RELL1: variants seen among roughly 807,000 people sequenced by gnomAD.
The protein encoded by RELL1 is RELT-like protein 1.
A neutral mutation model predicts 23.0 loss-of-function variants in RELL1; 10 were observed. That is an observed-to-expected ratio of 0.43 (90% CI 0.27 to 0.74). RELL1 has a LOEUF of 0.74. Ranked by LOEUF, RELL1 falls within the 30% of genes least tolerant of loss-of-function variation. The pLI is 0.19. For missense variants in RELL1, 315 were observed against 364.4 expected, an observed-to-expected ratio of 0.86 and a Z score of 1.10; for synonymous variants, 146 against 146.8, an observed-to-expected ratio of 0.99 and a Z score of 0.04.
intron 1 of RELL1, among the ~76,000 whole-genome samples, chr4:37,657,997 T>G (rs1721187536): frequency 6.6e-6 from 1 of 152,014 alleles, no homozygotes; most frequent in South Asian, 2.1e-4. Context: ...CAGTCCCAAC[T>G]ACTGGGGAAG....
rs1200145695 is a variant in RELL1, at chr4:37,612,328, A to AC, written c.*1017_*1018insG. Among the ~76,000 whole-genome samples, 1 of 39,450 alleles carries AC rather than the reference A, an allele frequency of 2.5e-5. No homozygotes were observed. The highest frequency in any genetic ancestry group is 2.9e-4 in the East Asian group (1 of 3,468). The allele number at this position is 39,450 out of a possible 152,430, so 25.9% of individuals were successfully genotyped here. A position where few individuals can be genotyped will look rare whatever the true frequency, so the allele number is the denominator to read the frequency against. ...GAATCGCTCAGCTAAAGGTTAAAAA[A>AC]AAAAAAAAAACAAAAAAAAACAAAA... On this transcript the variant is annotated 3_prime_UTR_variant, in exon 7 of 7. Coordinates refer to ENST00000454158, the MANE Select transcript of RELL1 (RefSeq NM_001085400.2).
chr4:37,591,508 A>G (rs1410283061), intron 6 of RELL1: 3 of 152,846 alleles, frequency 2.0e-5, no homozygotes, highest in Non-Finnish European at 4.4e-5. Flanking sequence ...AACTTCAGGG[A>G]CAATCACCCA....
intron 1 of RELL1, among the ~76,000 whole-genome samples, chr4:37,682,998 T>C (rs1271197657): frequency 1.3e-5 from 2 of 152,176 alleles, no homozygotes; most frequent in African/African-American, 4.8e-5. Context: ...TGGGTGCTTG[T>C]GGTATATAGT....
At chr4:37,605,750 GAAAA>G (rs1375809355), downstream of RELL1, among the ~76,000 whole-genome samples, 1 of 99,792 alleles carries the variant, frequency 1.0e-5, no homozygotes, top group Non-Finnish European at 1.9e-5. Flanking sequence ...AAGAAAGAAA[GAAAA>G]AGAATAAAGA....
intron 1 of RELL1, 31 bp downstream of exon 1, chr4:37,686,169 C>G: frequency 6.5e-7 from 1 of 1,546,328 alleles, no homozygotes; most frequent in African/African-American, 1.4e-5. Context: ...GGGCTCAGCA[C>G]CCGGCGCCCC....
At chr4:37,642,944 A>G (rs1460692976) in intron 3 of RELL1, among the ~76,000 whole-genome samples, 2 of 152,204 alleles carry the variant, frequency 1.3e-5, no homozygotes, top group African/African-American at 2.4e-5. Context: ...AATACTATGC[A>G]TCTCTTCTAT....
intron 1 of RELL1, among the ~76,000 whole-genome samples, chr4:37,655,310 T>C (rs1329290981): frequency 6.6e-6 from 1 of 152,150 alleles, no homozygotes; most frequent in African/African-American, 2.4e-5. Context: ...CACCCCCTCC[T>C]AAATTTATAT....
At chr4:37,659,264 T>C (rs1721234402) in intron 1 of RELL1, among the ~76,000 whole-genome samples, 2 of 152,198 alleles carry the variant, frequency 1.3e-5, no homozygotes, top group African/African-American at 4.8e-5. Context: ...ACTAGGTATG[T>C]GTGTTTTGCC....
intron 6 of RELL1, among the ~76,000 whole-genome samples, chr4:37,627,529 A>C (rs1719992285): frequency 6.6e-6 from 1 of 152,240 alleles, no homozygotes; most frequent in Non-Finnish European, 1.5e-5. Flanking sequence ...ACAAGAACTC[A>C]GACCAACAAA....
chr4:37,604,890 C>CACACACAG (rs1719139406), intron 6 of RELL1, among the ~76,000 whole-genome samples: 1 of 44,268 alleles, frequency 2.3e-5, no homozygotes, highest in Non-Finnish European at 4.4e-5. Context: ...TACACACAGA[C>CACACACAG]ACACACACAG....
At chr4:37,592,926 T>A (rs1718687167) in intron 6 of RELL1, among the ~76,000 whole-genome samples, 1 of 152,242 alleles carries the variant, frequency 6.6e-6, no homozygotes, top group Admixed American at 6.5e-5. Context: ...TGTCATTATT[T>A]GACTTTGGCA....
chr4:37,610,522 A>G (rs905432923), downstream of RELL1, among the ~76,000 whole-genome samples: 9 of 152,186 alleles, frequency 5.9e-5, no homozygotes, highest in African/African-American at 2.2e-4. This position sits in a 1 kb window ranked among gnomAD's most constrained non-coding sequence, Gnocchi z 4.1. Context: ...TTGATATTTC[A>G]AGACACAAGA....
chr4:37,635,853 C>G lies in RELL1; in HGVS notation c.444-730G>C, dbSNP rs117534538. Among the ~76,000 whole-genome samples, 4 of 152,210 alleles carry G rather than the reference C, an allele frequency of 2.6e-5. No homozygotes were observed. In the East Asian group the frequency reaches 7.7e-4, roughly 29 times the overall value. ...TATATGCCCTGGAAAAGGGAAGAAC[C>G]CAAATTCCATCAAATTATCAGATAA... On this transcript the variant is annotated intron_variant, in intron 4 of 6. Transcript: ENST00000454158.
chr4:37,588,374 A>C (rs2109459853), downstream of RELL1: 1 of 156,736 alleles, frequency 6.4e-6, no homozygotes, highest in Non-Finnish European at 1.4e-5. Context: ...TGGATCCGCC[A>C]GCTTATTCCG....
chr4:37,675,348 T>C lies in RELL1; in HGVS notation c.88+10852A>G, dbSNP rs77854093. On this transcript the variant is annotated intron_variant, in intron 1 of 6. Transcript: ENST00000454158. ...GAGAACAATGAACACACACCTCACG[T>C]TGACTTCCCCTCCTCTGACTTGAGC... 5.7e-3 allele frequency among the ~76,000 whole-genome samples: 864 copies of C among 152,344 alleles called. 5 individuals are homozygous for C. Among genetic ancestry groups the C allele is most frequent in the Non-Finnish European group, 9.8e-3 (670 of 68,024 alleles).
At chr4:37,677,897 A>C (rs1560361459) in intron 1 of RELL1, among the ~76,000 whole-genome samples, 1 of 151,568 alleles carries the variant, frequency 6.6e-6, no homozygotes, top group African/African-American at 2.4e-5. Context: ...ACTTGAACCC[A>C]GGAGGCAGAG....
chr4:37,626,564 T>TA (rs1399896405), intron 6 of RELL1, among the ~76,000 whole-genome samples: 2 of 152,150 alleles, frequency 1.3e-5, no homozygotes, highest in African/African-American at 4.8e-5. Flanking sequence ...CTGAAATCAG[T>TA]ATGTCAAAGA....
chr4:37,639,929 G>A (rs1720468383), intron 3 of RELL1, among the ~76,000 whole-genome samples: 1 of 152,144 alleles, frequency 6.6e-6, no homozygotes, highest in Admixed American at 6.5e-5. Flanking sequence ...TTCTCAACCT[G>A]GCTTTCATTA....
At chr4:37,656,661 C>T (rs918751742) in intron 1 of RELL1, among the ~76,000 whole-genome samples, 7 of 152,206 alleles carry the variant, frequency 4.6e-5, no homozygotes, top group Non-Finnish European at 1.0e-4. Context: ...GGGGACTCCA[C>T]GCTCATAAAG....
Sources: allele counts gnomAD v4.1 joint callset (sites outside exome capture counted in the v4.1 genomes callset), GRCh38; gene constraint gnomAD v4.1.1; non-coding constraint Gnocchi (gnomAD v3.1); transcripts MANE v1.5; gene names NCBI Gene and HGNC (gene_info 2026-07-23, HGNC 2026-07-21).